CLEC9A: variants seen among roughly 807,000 people sequenced by gnomAD.
The protein encoded by CLEC9A is C-type lectin domain family 9 member A.
CLEC9A carries 24 observed loss-of-function variants against 30.0 expected under a neutral mutation model. The ratio of observed to expected loss-of-function variants is 0.80; its 90% CI spans 0.58 to 1.13. CLEC9A has a LOEUF of 1.13. CLEC9A is among the 50% of genes most tolerant of loss of function. CLEC9A has a pLI of 0.00. For missense variants in CLEC9A, 251 were observed against 280.9 expected (o/e 0.89, Z 0.76); for synonymous variants, 111 against 96.8 (o/e 1.15, Z -0.86).
At chr12:10,038,608 A>C (rs1163681534) in intron 1 of CLEC9A, among the ~76,000 whole-genome samples, 1 of 152,244 alleles carries the variant, frequency 6.6e-6, no homozygotes, top group East Asian at 1.9e-4. Context: ...GTTTAACAAC[A>C]ACAACAAAAT....
Position 10,035,763 on chromosome 12 carries a change from C to T in CLEC9A, c.-318+4791C>T, listed in dbSNP as rs547357003. Among the ~76,000 whole-genome samples, 12 of 152,220 alleles carry T rather than the reference C, an allele frequency of 7.9e-5. No individual in the cohort carries two copies. The South Asian group carries it at 1.0e-3, about 13-fold the overall frequency. Reference sequence around the variant, plus strand: ...CCCACGCAATGGAACTACAGGCGTGCGCCACCACACCCAGCTAATTTTTTA... The same window carrying T: ...CCCACGCAATGGAACTACAGGCGTGTGCCACCACACCCAGCTAATTTTTTA... On this transcript the variant is annotated intron_variant, in intron 1 of 8. Transcript: ENST00000355819.
intron 2 of CLEC9A, chr12:10,045,661 G>A (rs1379170799): frequency 8.5e-6 from 2 of 234,366 alleles, no homozygotes; most frequent in Non-Finnish European, 9.3e-6. Context: ...TCACAGATAA[G>A]GGCTTTATTG....
At chr12:10,039,812 CTTTA>C (rs538314490) in intron 1 of CLEC9A, among the ~76,000 whole-genome samples, 10 of 151,852 alleles carry the variant, frequency 6.6e-5, no homozygotes, top group Admixed American at 1.3e-4. Flanking sequence ...ATCACAAGTA[CTTTA>C]TTTATTTATT....
chr12:10,052,808 C>G, intron 4 of CLEC9A, 30 bp downstream of exon 4: 1 of 1,587,212 alleles, frequency 6.3e-7, no homozygotes, highest in East Asian at 2.2e-5. Flanking sequence ...TTGTGTGAGA[C>G]TTTAGAGTTC....
intron 2 of CLEC9A, 129 bp from the exon 3 acceptor site, chr12:10,051,862 T>C (rs1352473793): frequency 1.3e-5 from 2 of 152,210 alleles, no homozygotes; most frequent in African/African-American, 4.8e-5. Flanking sequence ...AAAAAATACA[T>C]TTTTCAAGCT....
chr12:10,044,878 T>C (rs902811781), intron 2 of CLEC9A, among the ~76,000 whole-genome samples: 2 of 152,224 alleles, frequency 1.3e-5, no homozygotes, highest in Non-Finnish European at 2.9e-5. Context: ...TGTCACATAG[T>C]TATGTAGATA....
At chr12:10,036,788 G>A (rs542079693) in intron 1 of CLEC9A, among the ~76,000 whole-genome samples, 1 of 152,232 alleles carries the variant, frequency 6.6e-6, no homozygotes, top group South Asian at 2.1e-4. Context: ...ATGCTACTAG[G>A]TACTACTTTT....
At chr12:10,037,792 CATTTTCTTCTGGGGTTAAAGGACAAAA>C (rs1316761685) in intron 1 of CLEC9A, among the ~76,000 whole-genome samples, 2 of 152,228 alleles carry the variant, frequency 1.3e-5, no homozygotes, top group East Asian at 1.9e-4. Context: ...AGCCATGGGA[CATTTTCTTCTGGGGTTAAAGGACAAAA>C]ATTTTATTAT....
intron 5 of CLEC9A, among the ~76,000 whole-genome samples, chr12:10,058,248 A>G (rs1457533731): frequency 6.6e-6 from 1 of 152,218 alleles, no homozygotes; most frequent in Non-Finnish European, 1.5e-5. Flanking sequence ...TTAGAATTAT[A>G]TGTTGAATCT....
chr12:10,064,848 T>A lies in CLEC9A; in HGVS notation c.588T>A (p.Pro196=). ...WLWQDGSSPS[P]GLLPAERSQS... is the part of the protein sequence containing the mutation. ...GGCAAGATGGCTCCTCTCCTTCTCCTGGCCTGTAAGTCTCTGAGTGAAATG... is the reference window on the plus strand; with the variant it reads ...GGCAAGATGGCTCCTCTCCTTCTCCAGGCCTGTAAGTCTCTGAGTGAAATG... The change falls in exon 8 of 9, where the codon CCT becomes CCA. Residue 196 remains proline (P), a synonymous_variant. Coordinates refer to ENST00000355819, the MANE Select transcript of CLEC9A (RefSeq NM_207345.4). 6.2e-7 allele frequency: 1 copy of A among 1,610,818 alleles called. No homozygotes were observed. The highest frequency in any genetic ancestry group is 8.5e-7 in the Non-Finnish European group (1 of 1,178,890).
In CLEC9A at chr12:10,041,611, G is replaced by A; in HGVS notation, c.-172G>A. Reference sequence around the variant, plus strand: ...CTACTCTCCTGAAGACTGACAACCAGAACATTCTGGTAAGAAGATTCTTAT... The same window carrying A: ...CTACTCTCCTGAAGACTGACAACCAAAACATTCTGGTAAGAAGATTCTTAT... On this transcript the variant is annotated 5_prime_UTR_variant, in exon 2 of 9. Transcript: ENST00000355819. 1 of 530,242 alleles carries A rather than the reference G, an allele frequency of 1.9e-6. No individual in the cohort carries two copies. The highest frequency in any genetic ancestry group is 3.8e-6 in the Non-Finnish European group (1 of 261,752). The allele number at this position is 530,242 out of a possible 1,614,324, so 32.8% of individuals were successfully genotyped here.
chr12:10,043,973 C>T (rs191138269), intron 2 of CLEC9A, among the ~76,000 whole-genome samples: 1 of 152,306 alleles, frequency 6.6e-6, no homozygotes, highest in East Asian at 1.9e-4. Context: ...GCCACCGCGC[C>T]TGGCCCTCTC....
At chr12:10,033,270 T>C (rs1335857101) in intron 1 of CLEC9A, among the ~76,000 whole-genome samples, 1 of 152,070 alleles carries the variant, frequency 6.6e-6, no homozygotes, top group Non-Finnish European at 1.5e-5. Flanking sequence ...CAGTTCTTGG[T>C]CCTCTTGTTT....
intron 1 of CLEC9A, among the ~76,000 whole-genome samples, chr12:10,035,555 C>T (rs181422601): frequency 6.6e-6 from 1 of 152,320 alleles, no homozygotes; most frequent in Non-Finnish European, 1.5e-5. Flanking sequence ...CAATCAATCG[C>T]ACTATTTCCC....
intron 1 of CLEC9A, among the ~76,000 whole-genome samples, chr12:10,032,193 C>A (rs1040857585): frequency 5.9e-5 from 9 of 152,152 alleles, no homozygotes; most frequent in Non-Finnish European, 1.0e-4. Flanking sequence ...GGCAGTGTGG[C>A]AGTTTCTTAC....
chr12:10,033,463 C>T (rs1361068895), intron 1 of CLEC9A, among the ~76,000 whole-genome samples: 1 of 152,150 alleles, frequency 6.6e-6, no homozygotes, highest in Non-Finnish European at 1.5e-5. Flanking sequence ...GGCATATTGA[C>T]TTTGATATAT....
At chr12:10,037,952 A>G (rs142260525) in intron 1 of CLEC9A, among the ~76,000 whole-genome samples, 1 of 152,278 alleles carries the variant, frequency 6.6e-6, no homozygotes, top group Non-Finnish European at 1.5e-5. Context: ...AATGTTAAAA[A>G]AAAAAGTTCA....
At chr12:10,055,754 T>C (rs1255122325) in intron 5 of CLEC9A, among the ~76,000 whole-genome samples, 1 of 151,960 alleles carries the variant, frequency 6.6e-6, no homozygotes, top group Admixed American at 6.6e-5. Flanking sequence ...ATAATAAGGA[T>C]GATTATAAAA....
intron 2 of CLEC9A, among the ~76,000 whole-genome samples, chr12:10,047,557 C>T (rs938851224): frequency 6.6e-6 from 1 of 152,120 alleles, no homozygotes; most frequent in South Asian, 2.1e-4. Flanking sequence ...CAAAATTCGA[C>T]TCCTCTGTGT....
Sources: gnomAD v4.1 joint callset for allele counts (sites outside exome capture counted in the v4.1 genomes callset) on GRCh38, gnomAD v4.1.1 for gene constraint, MANE v1.5 for transcripts, NCBI Gene and HGNC (gene_info 2026-07-23, HGNC 2026-07-21) for gene names.